Variants in FBLN1 observed in about 807,000 individuals in gnomAD.
FBLN1 encodes the protein fibulin 1, also known as fibulin-1.
In FBLN1, 34 loss-of-function variants were observed where a neutral mutation model predicts 89.7. The ratio of observed to expected loss-of-function variants is 0.38; its 90% CI spans 0.29 to 0.50. The LOEUF (loss-of-function observed/expected upper bound fraction) is 0.50. FBLN1 is among the 20% of genes least tolerant of loss of function. The probability of loss-of-function intolerance (pLI) is 0.92; values close to 1 mark genes in which losing one functional copy is unlikely to be tolerated. For missense variants in FBLN1, 777 were observed against 988.1 expected (o/e 0.79, Z 2.86); for synonymous variants, 393 against 391.3 (o/e 1.00, Z -0.05).
In FBLN1 at chr22:45,585,415, C is replaced by T. The variant is rs545084647; in HGVS notation, c.1972+8307C>T. Among the ~76,000 whole-genome samples, 62 of 152,358 alleles carry T rather than the reference C, an allele frequency of 4.1e-4. 1 individual carries two copies. The South Asian group carries it at 0.012, about 30-fold the overall frequency. ...GGGGTTAAATGTGCGCCGCTGACCG[C>T]GTCCTGCAGCCCATGTGGAGAGTTT... On this transcript the variant is annotated intron_variant, in intron 16 of 16. Coordinates refer to ENST00000327858, the MANE Select transcript of FBLN1 (RefSeq NM_006486.3).
chr22:45,556,133 T>C lies in FBLN1; in HGVS notation c.1697+5518T>C, dbSNP rs920962583. Among the ~76,000 whole-genome samples, 1 of 152,154 alleles carries C rather than the reference T, an allele frequency of 6.6e-6. No homozygotes were observed. Among genetic ancestry groups the C allele is most frequent in the Middle Eastern group, 3.2e-3 (1 of 316 alleles). Reference sequence around the variant, plus strand: ...GCCTCAGCCTCCTGAGTAGCTGAGATTACAGGTGTGCACCACCATACCCAG... The same window carrying C: ...GCCTCAGCCTCCTGAGTAGCTGAGACTACAGGTGTGCACCACCATACCCAG... On this transcript the variant is annotated intron_variant, in intron 14 of 16. Transcript: ENST00000327858. This position sits in a 1 kb window ranked among gnomAD's most constrained non-coding sequence, Gnocchi z 4.6.
chr22:45,532,845 G>T lies in FBLN1; in HGVS notation c.545-218G>T, dbSNP rs961033230. ...CTGCACACCACCTGATTTTCCAGACGGGGAGGTTGGGACCTGAAGCAGCAG... is the reference window on the plus strand; with the variant it reads ...CTGCACACCACCTGATTTTCCAGACTGGGAGGTTGGGACCTGAAGCAGCAG... On this transcript the variant is annotated intron_variant, in intron 5 of 16. Coordinates refer to ENST00000327858, the MANE Select transcript of FBLN1 (RefSeq NM_006486.3). The surrounding 1 kb of genome is among the most constrained non-coding windows in gnomAD (Gnocchi z 4.2). 52 of 602,844 alleles carry T rather than the reference G, an allele frequency of 8.6e-5. No homozygotes were observed. In the African/African-American group the frequency reaches 8.9e-4, roughly 10 times the overall value. 37.3% of individuals were successfully genotyped at this position (602,844 alleles called of 1,614,324 possible).
At chr22:45,540,770 T>C (rs2088545124) in intron 8 of FBLN1, among the ~76,000 whole-genome samples, 1 of 152,154 alleles carries the variant, frequency 6.6e-6, no homozygotes, top group South Asian at 2.1e-4. Flanking sequence ...TGCCGTGCAG[T>C]GAGCTCAGGG....
At chr22:45,568,549 TTCTGTAGGGCATGCTC>T (rs1417840472) in intron 14 of FBLN1, among the ~76,000 whole-genome samples, 22 of 150,640 alleles carry the variant, frequency 1.5e-4, no homozygotes, top group African/African-American at 5.2e-4. Flanking sequence ...GGAATGCTCC[TTCTGTAGGGCATGCTC>T]CTTCTGTAGG....
chr22:45,565,332 G>A (rs2088893146), intron 14 of FBLN1: 31 of 1,225,980 alleles, frequency 2.5e-5, no homozygotes, highest in Non-Finnish European at 2.9e-5. Context: ...CCTTTGAGCT[G>A]CACCTGCCCC....
At chr22:45,592,078 C>T (rs6006777) in intron 16 of FBLN1, among the ~76,000 whole-genome samples, 1 of 119,938 alleles carries the variant, frequency 8.3e-6, no homozygotes, top group Non-Finnish European at 1.7e-5. Flanking sequence ...GGTCAGTCCC[C>T]GCTGGACGGA....
intron 1 of FBLN1, 143 bp from the exon 2 acceptor site, chr22:45,518,539 T>A (rs1357173788): frequency 2.9e-6 from 2 of 682,578 alleles, no homozygotes; most frequent in Non-Finnish European, 5.2e-6. Context: ...CAGTACTGGT[T>A]TGCAGAGTGA....
intron 14 of FBLN1, among the ~76,000 whole-genome samples, chr22:45,573,997 C>T (rs1602219420): frequency 6.6e-6 from 1 of 151,990 alleles, no homozygotes; most frequent in African/African-American, 2.4e-5. Context: ...CTCCCCGTCA[C>T]CTGGTGATGT....
intron 16 of FBLN1, among the ~76,000 whole-genome samples, chr22:45,586,510 C>CGGGA (rs1352103079): frequency 1.3e-5 from 2 of 152,196 alleles, no homozygotes. Flanking sequence ...ATGGTCCCAG[C>CGGGA]GGGAGGGTGG....
intron 2 of FBLN1, among the ~76,000 whole-genome samples, chr22:45,520,283 TG>T (rs2088232169): frequency 6.6e-6 from 1 of 152,190 alleles, no homozygotes; most frequent in Non-Finnish European, 1.5e-5. Context: ...AGGGGCAGGG[TG>T]GCTCAACCAC....
At chr22:45,528,971 C>T (rs1257541888) in intron 4 of FBLN1, among the ~76,000 whole-genome samples, 3 of 152,206 alleles carry the variant, frequency 2.0e-5, no homozygotes, top group Admixed American at 6.5e-5. Flanking sequence ...AGTCCTACTT[C>T]ATCAGGTGCT....
intron 16 of FBLN1, among the ~76,000 whole-genome samples, chr22:45,592,918 T>G (rs2089151556): frequency 6.6e-6 from 1 of 152,156 alleles, no homozygotes; most frequent in African/African-American, 2.4e-5. Flanking sequence ...TATTGTGCAG[T>G]CTCTTGATTC....
In FBLN1 at chr22:45,562,690, G is replaced by A. The variant is rs541599233; in HGVS notation, c.1698-11821G>A. On this transcript the variant is annotated intron_variant, in intron 14 of 16. Coordinates refer to ENST00000327858, the MANE Select transcript of FBLN1 (RefSeq NM_006486.3). This position sits in a 1 kb window ranked among gnomAD's most constrained non-coding sequence, Gnocchi z 7.8. ...AGCCTTTGGCCCCCGGCCACCCAGCGCCCGAGATGGTGTTGGAAGAGGCTA... is the reference window on the plus strand; with the variant it reads ...AGCCTTTGGCCCCCGGCCACCCAGCACCCGAGATGGTGTTGGAAGAGGCTA... Among the ~76,000 whole-genome samples the A allele has an allele frequency of 3.9e-5, 6 of 152,334 alleles. No homozygotes were observed. The South Asian group carries it at 1.0e-3, about 26-fold the overall frequency.
In FBLN1 at chr22:45,527,861, C is replaced by G; in HGVS notation, c.336C>G (p.Cys112Trp). The change falls in exon 4 of 17, where the codon TGC (cysteine) becomes TGG (tryptophan). Residue 112 changes from cysteine to tryptophan, a missense_variant. Coordinates refer to ENST00000327858, the MANE Select transcript of FBLN1 (RefSeq NM_006486.3). ...TGTGTTTGCAGAGGTGCTGCCATTG[C>G]TGTCTGCTGGGGAGGGCGGCCCAGG... is the stretch of plus-strand genomic sequence containing the variant. Reference protein sequence around the residue: ...EATFVKRCCHCCLLGRAAQAQ... With the variant: ...EATFVKRCCHWCLLGRAAQAQ... The G allele has an allele frequency of 6.2e-7, 1 of 1,614,066 alleles. No homozygotes were observed. The highest frequency in any genetic ancestry group is 8.5e-7 in the Non-Finnish European group (1 of 1,180,028).
chr22:45,555,248 CATATATATATATATATAAAATGGAAT>C lies in FBLN1; in HGVS notation c.1697+4668_1697+4693del, dbSNP rs761856092. Among the ~76,000 whole-genome samples, 141 of 135,040 alleles carry C rather than the reference CATATATATATATATATAAAATGGAAT, an allele frequency of 1.0e-3. 1 individual carries two copies. Among genetic ancestry groups the C allele is most frequent in the East Asian group, 8.0e-3 (40 of 5,008 alleles). The allele number at this position is 135,040 out of a possible 152,430, so 88.6% of individuals were successfully genotyped here. On this transcript the variant is annotated intron_variant, in intron 14 of 16. Coordinates refer to ENST00000327858, the MANE Select transcript of FBLN1 (RefSeq NM_006486.3). ...AGAGGGACAGAACTAATGGAATATA[CATATATATATATATATAAAATGGAAT>C]ATATATATATATATATAAAATGGAA... is the stretch of plus-strand genomic sequence containing the variant.
rs1469224263 is a variant in FBLN1 at position 45,532,768 on chromosome 22, G to A, written c.545-295G>A. 2.0e-6 allele frequency: 1 copy of A among 504,288 alleles called. No individual in the cohort carries two copies. The highest frequency in any genetic ancestry group is 3.7e-5 in the East Asian group (1 of 27,242). 31.2% of individuals were successfully genotyped at this position (504,288 alleles called of 1,614,324 possible). ...CCCCCATGTCTGTGACCGGCAGTGA[G>A]CTCTTCTCTGCTTCGCCCCTTCCAG... is the stretch of plus-strand genomic sequence containing the variant. On this transcript the variant is annotated intron_variant, in intron 5 of 16. Transcript: ENST00000327858. The surrounding 1 kb of genome is among the most constrained non-coding windows in gnomAD (Gnocchi z 4.2).
Position 45,531,167 on chromosome 22 carries a change from A to T in FBLN1, c.485-98A>T. 9.8e-7 allele frequency: 1 copy of T among 1,021,264 alleles called. No homozygotes were observed. The highest frequency in any genetic ancestry group is 1.6e-6 in the Non-Finnish European group (1 of 640,688). The allele number at this position is 1,021,264 out of a possible 1,614,324, so 63.3% of individuals were successfully genotyped here. ...TATATAAGATGTTCAAATGGGCATT[A>T]CTGCCTGATAGTGACAAGAAGAGAG... On this transcript the variant is annotated intron_variant, in intron 4 of 16. Coordinates refer to ENST00000327858, the MANE Select transcript of FBLN1 (RefSeq NM_006486.3). This position sits in a 1 kb window ranked among gnomAD's most constrained non-coding sequence, Gnocchi z 4.9.
chr22:45,505,400 C>G (rs538106809), intron 1 of FBLN1, among the ~76,000 whole-genome samples: 1 of 152,344 alleles, frequency 6.6e-6, no homozygotes, highest in South Asian at 2.1e-4. Flanking sequence ...GGCCAGGGCA[C>G]TGAATGCATG....
At chr22:45,510,833 C>T (rs990539650) in intron 1 of FBLN1, among the ~76,000 whole-genome samples, 3 of 152,282 alleles carry the variant, frequency 2.0e-5, no homozygotes, top group East Asian at 1.9e-4. Context: ...AGGTTTAACT[C>T]ACCTGGAAAA....
Sources: gnomAD v4.1 joint callset for allele counts (sites outside exome capture counted in the v4.1 genomes callset) on GRCh38, gnomAD v4.1.1 for gene constraint, Gnocchi (gnomAD v3.1) non-coding constraint, MANE v1.5 for transcripts, NCBI Gene and HGNC (gene_info 2026-07-23, HGNC 2026-07-21) for gene names.